The following AKAP19 variants were observed in gnomAD, a reference collection of about 807,000 sequenced individuals.
AKAP19 encodes the protein small A-kinase anchoring protein.
chr2:190,078,172 C>G, the AKAP19 span, among the ~76,000 whole-genome samples: 84 of 152,308 alleles, frequency 5.5e-4, 1 homozygote, highest in Middle Eastern at 6.8e-3. Context: ...CTTGACTTAG[C>G]AAGATGGCTT....
chr2:190,000,151 T>A, the AKAP19 span, among the ~76,000 whole-genome samples: 1 of 152,340 alleles, frequency 6.6e-6, no homozygotes, highest in Non-Finnish European at 1.5e-5. Context: ...GACTAAATTA[T>A]AACTACCTTT....
the AKAP19 span, among the ~76,000 whole-genome samples, chr2:190,099,464 C>T: frequency 8.0e-4 from 121 of 152,196 alleles, 1 homozygote; most frequent in Admixed American, 1.4e-3. Context: ...TATATGGACA[C>T]GGTTCAAGGT....
chr2:190,000,362 T>C, the AKAP19 span, among the ~76,000 whole-genome samples: 1 of 152,224 alleles, frequency 6.6e-6, no homozygotes, highest in Non-Finnish European at 1.5e-5. Context: ...AGGTCAGCTA[T>C]CTTCTAAGCT....
the AKAP19 span, among the ~76,000 whole-genome samples, chr2:190,044,606 G>T: frequency 2.0e-5 from 3 of 152,066 alleles, no homozygotes; most frequent in South Asian, 2.1e-4. Flanking sequence ...TAGCTCTGGT[G>T]GGGGGTGACT....
the AKAP19 span, among the ~76,000 whole-genome samples, chr2:189,927,646 T>C: frequency 2.0e-5 from 3 of 152,216 alleles, no homozygotes; most frequent in African/African-American, 7.2e-5. Flanking sequence ...ATGATGCTCC[T>C]TAACCTCTAA....
At chr2:190,176,564 G>A in the AKAP19 span, among the ~76,000 whole-genome samples, 136,666 of 152,120 alleles carry the variant, frequency 0.9, 62,225 homozygotes, top group Non-Finnish European at 0.97. This position sits in a 1 kb window ranked among gnomAD's most constrained non-coding sequence, Gnocchi z 4.7. Flanking sequence ...TGGCCAGGCT[G>A]GTCTCAAACT....
the AKAP19 span, among the ~76,000 whole-genome samples, chr2:190,023,984 T>C: frequency 1.1e-4 from 16 of 152,142 alleles, no homozygotes; most frequent in East Asian, 2.3e-3. Context: ...TTTTTCCTTA[T>C]AGTAATTTTT....
chr2:190,046,201 G>A, the AKAP19 span, among the ~76,000 whole-genome samples: 6 of 152,142 alleles, frequency 3.9e-5, no homozygotes, highest in Non-Finnish European at 8.8e-5. Context: ...TCCCCTCCAG[G>A]AGAGTCATGC....
the AKAP19 span, among the ~76,000 whole-genome samples, chr2:190,019,881 G>A: frequency 6.6e-6 from 1 of 152,076 alleles, no homozygotes; most frequent in Non-Finnish European, 1.5e-5. Context: ...TATCTATGAA[G>A]GTGTCTCAGG....
At chr2:190,139,562 G>A in the AKAP19 span, among the ~76,000 whole-genome samples, 4 of 152,194 alleles carry the variant, frequency 2.6e-5, no homozygotes, top group African/African-American at 9.7e-5. Flanking sequence ...AGAAGGGGAA[G>A]CAAACACATT....
chr2:189,963,265 A>C, the AKAP19 span, among the ~76,000 whole-genome samples: 3 of 143,178 alleles, frequency 2.1e-5, no homozygotes. Flanking sequence ...CGCGATCTCC[A>C]CTCACTGCAA....
the AKAP19 span, among the ~76,000 whole-genome samples, chr2:190,166,013 C>T: frequency 6.6e-6 from 1 of 151,972 alleles, no homozygotes; most frequent in Admixed American, 6.6e-5. Flanking sequence ...AGTGAGTTTA[C>T]CACTTAGATC....
At chr2:190,079,006 A>T in the AKAP19 span, among the ~76,000 whole-genome samples, 1 of 152,032 alleles carries the variant, frequency 6.6e-6, no homozygotes, top group African/African-American at 2.4e-5. Context: ...ATGAAAAAAA[A>T]CATTTCATTT....
the AKAP19 span, among the ~76,000 whole-genome samples, chr2:190,175,114 C>T: frequency 5.9e-5 from 9 of 152,116 alleles, no homozygotes; most frequent in East Asian, 1.9e-4. Flanking sequence ...CAAAATCAGA[C>T]GCTTATTTAT....
At chr2:190,091,328 T>A in the AKAP19 span, among the ~76,000 whole-genome samples, 1 of 152,214 alleles carries the variant, frequency 6.6e-6, no homozygotes, top group Non-Finnish European at 1.5e-5. Flanking sequence ...TACAGAAAGT[T>A]CCAGTTTGAC....
the AKAP19 span, among the ~76,000 whole-genome samples, chr2:189,899,423 TTAACTC>T: frequency 6.6e-6 from 1 of 152,210 alleles, no homozygotes; most frequent in Admixed American, 6.5e-5. Flanking sequence ...TTGGAAAATA[TTAACTC>T]TAATGTTTCC....
the AKAP19 span, among the ~76,000 whole-genome samples, chr2:190,142,379 G>A: frequency 6.6e-6 from 1 of 152,136 alleles, no homozygotes; most frequent in African/African-American, 2.4e-5. Flanking sequence ...TACTTACTTG[G>A]TAAATGAAGT....
At chr2:190,092,434 GGGATCCACC>G in the AKAP19 span, among the ~76,000 whole-genome samples, 3 of 151,840 alleles carry the variant, frequency 2.0e-5, no homozygotes, top group African/African-American at 7.3e-5. Context: ...TAAGGGCACA[GGGATCCACC>G]GTTTTGTCTT....
the AKAP19 span, among the ~76,000 whole-genome samples, chr2:189,985,746 G>A: frequency 6.6e-6 from 1 of 152,160 alleles, no homozygotes; most frequent in African/African-American, 2.4e-5. Context: ...ACCCCTCTGT[G>A]CTGTACCAAA....
Sources: allele counts gnomAD v4.1 joint callset (sites outside exome capture counted in the v4.1 genomes callset), GRCh38; gene constraint gnomAD v4.1.1; non-coding constraint Gnocchi (gnomAD v3.1); transcripts MANE v1.5; gene names NCBI Gene and HGNC (gene_info 2026-07-23, HGNC 2026-07-21).